The following TRPC5 variants were observed in gnomAD, a reference collection of about 807,000 sequenced individuals.
TRPC5 encodes transient receptor potential cation channel subfamily C member 5, also known as short transient receptor potential channel 5.
Under a neutral mutation model 56.5 loss-of-function variants are expected in TRPC5, and 9 were observed. That is an observed-to-expected ratio of 0.16 (90% CI 0.10 to 0.28). TRPC5 has a LOEUF of 0.28. Among genes scored for constraint, TRPC5 ranks in the 10% least tolerant of loss-of-function variants. The pLI is 1.00. For synonymous variants in TRPC5, 282 were observed against 278.5 expected (o/e 1.01, Z -0.13); for missense variants, 469 against 748.9 (o/e 0.63, Z 4.36).
At chrX:111,911,837 T>G (rs1925829311) in intron 3 of TRPC5, among the ~76,000 whole-genome samples, 1 of 112,371 alleles carries the variant, frequency 8.9e-6, no homozygotes, top group Middle Eastern at 4.2e-3. Flanking sequence ...GCGACCCTCC[T>G]GTAATCACTG....
intron 5 of TRPC5, among the ~76,000 whole-genome samples, chrX:111,849,737 AT>A (rs1923030604): frequency 9.0e-6 from 1 of 111,723 alleles, no homozygotes; most frequent in Non-Finnish European, 1.9e-5. Flanking sequence ...ATGGGAAAAA[AT>A]TTTTTAAAAG....
chrX:112,043,645 TAA>T (rs370812753), intron 1 of TRPC5, among the ~76,000 whole-genome samples: 26 of 75,664 alleles, frequency 3.4e-4, no homozygotes, highest in East Asian at 4.4e-4. Flanking sequence ...TGAGAAGAGG[TAA>T]AAAAAAAAAA....
chrX:111,870,875 T>A (rs1395241732), intron 3 of TRPC5, among the ~76,000 whole-genome samples: 9 of 111,674 alleles, frequency 8.1e-5, no homozygotes, highest in Non-Finnish European at 1.7e-4. Flanking sequence ...TTTTTTTCTT[T>A]CAAGACACAG....
At chrX:111,957,982 A>C (rs1486055431) in intron 1 of TRPC5, among the ~76,000 whole-genome samples, 1 of 112,049 alleles carries the variant, frequency 8.9e-6, no homozygotes, top group African/African-American at 3.2e-5. Context: ...TGAAGGGTTG[A>C]TAAGAGTTTC....
intron 7 of TRPC5, among the ~76,000 whole-genome samples, chrX:111,802,631 G>A (rs1921350645): frequency 9.0e-6 from 1 of 110,888 alleles, no homozygotes; most frequent in Admixed American, 9.6e-5. Context: ...GGGATACTGG[G>A]ATAATTTGTA....
chrX:111,872,124 G>A (rs952560448), intron 3 of TRPC5, among the ~76,000 whole-genome samples: 1 of 112,386 alleles, frequency 8.9e-6, no homozygotes, highest in Non-Finnish European at 1.9e-5. Context: ...TCAGCCTGCA[G>A]AACTGTGAGC....
intron 1 of TRPC5, among the ~76,000 whole-genome samples, chrX:112,044,617 G>C: frequency 8.9e-6 from 1 of 112,224 alleles, no homozygotes. Context: ...ACATTATGCT[G>C]TCATGGACTC....
At chrX:112,053,825 A>C (rs1199957233) in intron 1 of TRPC5, among the ~76,000 whole-genome samples, 1 of 112,400 alleles carries the variant, frequency 8.9e-6, no homozygotes, top group East Asian at 2.8e-4. Flanking sequence ...ATAGACATGG[A>C]ACCAGGTTCC....
intron 1 of TRPC5, among the ~76,000 whole-genome samples, chrX:112,013,642 T>C (rs1929047811): frequency 9.0e-6 from 1 of 111,678 alleles, no homozygotes; most frequent in African/African-American, 3.3e-5. Flanking sequence ...CTTCCTTCAT[T>C]GTATCCTGTC....
chrX:111,853,960 C>T lies in TRPC5; in HGVS notation c.1047G>A (p.Leu349=). The T allele has an allele frequency of 8.3e-7, 1 of 1,211,675 alleles. No individual in the cohort carries two copies. The highest frequency in any genetic ancestry group is 1.1e-6 in the Non-Finnish European group (1 of 895,535). Residue 349 remains leucine, a synonymous_variant, in exon 4 of 11, where the codon CTG becomes CTA. Coordinates refer to ENST00000262839, the MANE Select transcript of TRPC5 (RefSeq NM_012471.3). ...FLFPMLSIAY[L]ISPRSNLGLF... ...GCCCAAGGTTGCTCCTGGGTGAGAT[C>T]AGGTAGGCTATAGACAGCATGGGAA...
chrX:112,015,384 T>C (rs1603146321), intron 1 of TRPC5, among the ~76,000 whole-genome samples: 1 of 98,224 alleles, frequency 1.0e-5, no homozygotes, highest in Non-Finnish European at 2.1e-5. Flanking sequence ...AGAATCTGGA[T>C]TTTTTTTTTT....
Position 111,927,946 on chromosome X carries a change from T to C in TRPC5, c.379-15134A>G, listed in dbSNP as rs183758790. On this transcript the variant is annotated intron_variant, in intron 2 of 10. Coordinates refer to ENST00000262839, the MANE Select transcript of TRPC5 (RefSeq NM_012471.3). The stretch of plus-strand genomic sequence containing the variant: ...GAACTCCCCATTTGAGATTTCTGAA[T>C]GGCTTCTCTAAGAAACAACCATGCA... Among the ~76,000 whole-genome samples, 51 of 110,229 alleles carry C rather than the reference T, an allele frequency of 4.6e-4. No homozygotes were observed. The East Asian group carries it at 6.6e-3, about 14-fold the overall frequency.
intron 1 of TRPC5, among the ~76,000 whole-genome samples, chrX:112,049,406 C>T (rs1373692199): frequency 9.5e-6 from 1 of 105,518 alleles, no homozygotes; most frequent in Admixed American, 1.0e-4. Flanking sequence ...GTATTACAGG[C>T]TACTATATAC....
At chrX:112,052,381 T>C (rs1930237113) in intron 1 of TRPC5, among the ~76,000 whole-genome samples, 1 of 111,603 alleles carries the variant, frequency 9.0e-6, no homozygotes, top group Non-Finnish European at 1.9e-5. Context: ...ATTAGGGATG[T>C]TGTTCATCTT....
At chrX:112,043,891 TTAGAG>T (rs1929960247) in intron 1 of TRPC5, among the ~76,000 whole-genome samples, 1 of 111,508 alleles carries the variant, frequency 9.0e-6, no homozygotes, top group African/African-American at 3.3e-5. Context: ...TTAAAAATAT[TTAGAG>T]TAAAGTGGAA....
At chrX:111,972,381 C>T (rs180910984) in intron 1 of TRPC5, among the ~76,000 whole-genome samples, 2 of 112,277 alleles carry the variant, frequency 1.8e-5, no homozygotes, top group East Asian at 5.6e-4. Flanking sequence ...GTTTTGCAGG[C>T]TAAATTACTA....
chrX:111,807,942 C>CTT (rs1371292711), intron 7 of TRPC5, among the ~76,000 whole-genome samples: 4 of 84,006 alleles, frequency 4.8e-5, no homozygotes, highest in African/African-American at 4.2e-4. Context: ...AATGGAGTCT[C>CTT]TCTCTCTCTC....
intron 2 of TRPC5, among the ~76,000 whole-genome samples, chrX:111,939,215 A>G: frequency 8.9e-6 from 1 of 111,802 alleles, no homozygotes; most frequent in Middle Eastern, 4.6e-3. Flanking sequence ...TGATTTGTAT[A>G]TGTTAAACCA....
intron 1 of TRPC5, among the ~76,000 whole-genome samples, chrX:112,004,596 T>C (rs994912739): frequency 1.3e-4 from 15 of 111,880 alleles, no homozygotes; most frequent in African/African-American, 4.9e-4. Context: ...AGGTCCATAT[T>C]AGACCTTCTA....
Sources: gnomAD v4.1 joint callset for allele counts (sites outside exome capture counted in the v4.1 genomes callset) on GRCh38, gnomAD v4.1.1 for gene constraint, MANE v1.5 for transcripts, NCBI Gene and HGNC (gene_info 2026-07-23, HGNC 2026-07-21) for gene names.